The following PLBD1 variants were observed in gnomAD, a reference collection of about 807,000 sequenced individuals.
The protein encoded by PLBD1 is lysosomal leucine aminopeptidase.
A neutral mutation model predicts 63.0 loss-of-function variants in PLBD1; 60 were observed. The observed-to-expected ratio is 0.95, with a 90% CI of 0.77 to 1.18. The LOEUF (loss-of-function observed/expected upper bound fraction) is 1.18, where lower values mean the gene tolerates loss of function less well. Among genes scored for constraint, PLBD1 ranks in the 50% most tolerant of loss-of-function variants. The pLI is 0.00. For missense variants in PLBD1, 598 were observed against 677.9 expected, an observed-to-expected ratio of 0.88 and a Z score of 1.31; for synonymous variants, 262 against 248.0, an observed-to-expected ratio of 1.06 and a Z score of -0.53.
Position 14,536,661 on chromosome 12 carries a change from A to G in PLBD1, c.608T>C (p.Leu203Ser), listed in dbSNP as rs1431720506. 6 of 1,614,244 alleles carry G rather than the reference A, an allele frequency of 3.7e-6. No homozygotes were observed. In the Admixed American group the frequency reaches 8.3e-5, roughly 22 times the overall value. ...IQFLNSVGDL[L>S]DLIPSLSPTK... ...GGGAGAGAGTGAGGGAATCAGATCC[A>G]ATAGATCTCCAACACTATTCAGGAA... Residue 203 changes from leucine to serine, a missense_variant, in exon 5 of 11, where the codon TTG becomes TCG. By Grantham distance (145) the Leu-to-Ser change is moderately radical (BLOSUM62 -2). Transcript: ENST00000240617.
At chr12:14,556,531 G>A (rs1015454954) in intron 1 of PLBD1, among the ~76,000 whole-genome samples, 2 of 151,710 alleles carry the variant, frequency 1.3e-5, no homozygotes, top group Admixed American at 6.6e-5. Context: ...CATCACATCC[G>A]GCTAATTTTG....
intron 6 of PLBD1, among the ~76,000 whole-genome samples, chr12:14,525,324 G>A (rs541484889): frequency 6.6e-6 from 1 of 151,986 alleles, no homozygotes; most frequent in Non-Finnish European, 1.5e-5. Flanking sequence ...CCTGAAGATA[G>A]AAGATTAATG....
At chr12:14,518,213 A>G (rs1216451510) in intron 6 of PLBD1, among the ~76,000 whole-genome samples, 2 of 152,152 alleles carry the variant, frequency 1.3e-5, no homozygotes, top group East Asian at 3.9e-4. Flanking sequence ...GACAAAAACA[A>G]AATGTGCACA....
chr12:14,539,162 C>T (rs1376300860), intron 4 of PLBD1, among the ~76,000 whole-genome samples: 1 of 152,112 alleles, frequency 6.6e-6, no homozygotes, highest in Non-Finnish European at 1.5e-5. Flanking sequence ...TATAATACAT[C>T]CATACATTGG....
At chr12:14,567,424 G>C (rs1945799398) in intron 1 of PLBD1, among the ~76,000 whole-genome samples, 158 bp downstream of exon 1, 1 of 152,170 alleles carries the variant, frequency 6.6e-6, no homozygotes, top group Middle Eastern at 3.2e-3. Context: ...GCAGCCGCAG[G>C]GCTGGAGCGA....
chr12:14,548,983 C>A (rs952699863), intron 2 of PLBD1, among the ~76,000 whole-genome samples: 1 of 152,176 alleles, frequency 6.6e-6, no homozygotes, highest in Non-Finnish European at 1.5e-5. Context: ...AAAATCGATC[C>A]ATGATTATTT....
At chr12:14,536,108 C>A in intron 5 of PLBD1, 1 of 286,760 alleles carries the variant, frequency 3.5e-6, no homozygotes, top group South Asian at 5.4e-5. Flanking sequence ...CAAGCCTGGC[C>A]AAAATGGTGA....
chr12:14,513,566 T>C (rs1036625319), intron 6 of PLBD1, among the ~76,000 whole-genome samples: 1 of 152,176 alleles, frequency 6.6e-6, no homozygotes, highest in Non-Finnish European at 1.5e-5. Flanking sequence ...GGTAAGAGCA[T>C]GGACTGGGAG....
intron 6 of PLBD1, among the ~76,000 whole-genome samples, chr12:14,533,799 A>G (rs1190319479): frequency 6.6e-6 from 1 of 152,214 alleles, no homozygotes; most frequent in Non-Finnish European, 1.5e-5. Context: ...GGTTTCAAAG[A>G]AAGGATCAGG....
At chr12:14,505,535 G>A (rs1258495250) in intron 10 of PLBD1, among the ~76,000 whole-genome samples, 12 of 152,166 alleles carry the variant, frequency 7.9e-5, no homozygotes, top group Admixed American at 7.2e-4. Flanking sequence ...TCACTGACTG[G>A]TTTGAAGCCA....
At chr12:14,555,401 G>A (rs916305836) in intron 1 of PLBD1, among the ~76,000 whole-genome samples, 2 of 152,118 alleles carry the variant, frequency 1.3e-5, no homozygotes, top group Admixed American at 1.3e-4. Context: ...GCCAGGCATG[G>A]TGGTGTGCGC....
intron 6 of PLBD1, among the ~76,000 whole-genome samples, chr12:14,534,552 T>C (rs1464104965): frequency 6.7e-6 from 1 of 150,132 alleles, no homozygotes; most frequent in African/African-American, 2.4e-5. Flanking sequence ...TCTTTTTTTT[T>C]TTTTTTTTTG....
At chr12:14,547,958 C>A (rs537190452) in intron 2 of PLBD1, among the ~76,000 whole-genome samples, 1 of 152,204 alleles carries the variant, frequency 6.6e-6, no homozygotes, top group African/African-American at 2.4e-5. Flanking sequence ...AGTTACCTAA[C>A]TTCCCAAGTT....
rs1176319015 is a variant in PLBD1, at chr12:14,553,249, C to T, written c.279G>A (p.Leu93=). 4 of 1,614,114 alleles carry T rather than the reference C, an allele frequency of 2.5e-6. No homozygotes were observed. In the South Asian group the frequency reaches 3.3e-5, roughly 13 times the overall value. ...EIRAGYGSQT[L]SNEIIMFVAG... ...CCACAAACATGATGATCTCATTGCT[C>T]AGGGTTTGAGAGCCATAGCCAGCTC... Residue 93 remains leucine (L), a synonymous_variant, in exon 2 of 11, where the codon CTG becomes CTA. Coordinates refer to ENST00000240617, the MANE Select transcript of PLBD1 (RefSeq NM_024829.6).
chr12:14,543,669 G>A (rs1248337877), intron 2 of PLBD1, among the ~76,000 whole-genome samples: 1 of 152,160 alleles, frequency 6.6e-6, no homozygotes, highest in East Asian at 1.9e-4. Context: ...AGGTTGCAGT[G>A]AGCCAAGATC....
chr12:14,505,962 T>C (rs1220112573), intron 10 of PLBD1, among the ~76,000 whole-genome samples, 200 bp downstream of exon 10: 1 of 152,254 alleles, frequency 6.6e-6, no homozygotes, highest in African/African-American at 2.4e-5. Context: ...GACGGAATTA[T>C]GTGATTTACT....
At position 14,540,955 on chromosome 12, in the gene PLBD1, C is replaced by G. The variant is rs551307282; in HGVS notation, c.420-53G>C. 6 of 1,499,142 alleles carry G rather than the reference C, an allele frequency of 4.0e-6. No individual in the cohort carries two copies. In the South Asian group the frequency reaches 8.0e-5, roughly 20 times the overall value. 92.9% of individuals were successfully genotyped at this position (1,499,142 alleles called of 1,614,324 possible). ...AGTCTCAATAGTTGCTCATTCAAAG[C>G]TAAATCAAAGCAGGCATTGAGAGAT... On this transcript the variant is annotated intron_variant, in intron 3 of 10. Transcript: ENST00000240617.
chr12:14,534,136 G>A (rs1415358273), intron 6 of PLBD1, among the ~76,000 whole-genome samples: 1 of 152,196 alleles, frequency 6.6e-6, no homozygotes, highest in Admixed American at 6.5e-5. Flanking sequence ...GCGATAGGGT[G>A]AGACCCTGAC....
chr12:14,560,273 T>C (rs1453300158), intron 1 of PLBD1, among the ~76,000 whole-genome samples: 1 of 152,200 alleles, frequency 6.6e-6, no homozygotes, highest in African/African-American at 2.4e-5. Flanking sequence ...TCTCCCATAT[T>C]TGGATTCTAT....
Sources: gnomAD v4.1 joint callset for allele counts (sites outside exome capture counted in the v4.1 genomes callset) on GRCh38, gnomAD v4.1.1 for gene constraint, MANE v1.5 for transcripts, NCBI Gene and HGNC (gene_info 2026-07-23, HGNC 2026-07-21) for gene names.